DOP1B: variants seen among roughly 807,000 people sequenced by gnomAD.
DOP1B encodes the protein DOP1 leucine zipper like protein B.
In DOP1B, 174 loss-of-function variants were observed where a neutral mutation model predicts 233.5. The observed-to-expected ratio is 0.75, with a 90% CI of 0.66 to 0.85. The LOEUF (loss-of-function observed/expected upper bound fraction) is 0.85. Among genes scored for constraint, DOP1B ranks in the 40% least tolerant of loss-of-function variants. The probability of loss-of-function intolerance (pLI) is 0.00; values close to 1 mark genes in which losing one functional copy is unlikely to be tolerated. For synonymous variants in DOP1B, 1,190 were observed against 1,185.6 expected, an observed-to-expected ratio of 1.00 and a Z score of -0.08; for missense variants, 2,652 against 2,846.6, an observed-to-expected ratio of 0.93 and a Z score of 1.56.
At chr21:36,191,131 G>A (rs370016321) in intron 2 of DOP1B, among the ~76,000 whole-genome samples, 4 of 152,132 alleles carry the variant, frequency 2.6e-5, no homozygotes, top group African/African-American at 2.4e-5. Context: ...TTTCCTAGCC[G>A]TGGCTAGTGG....
At chr21:36,288,291 T>C in intron 33 of DOP1B, 141 bp downstream of exon 33, 1 of 788,332 alleles carries the variant, frequency 1.3e-6, no homozygotes, top group Non-Finnish European at 2.0e-6. Context: ...TGGTTAGCTC[T>C]TGGTTAAACA....
Position 36,214,521 on chromosome 21 carries a change from G to A in DOP1B, c.1094G>A (p.Arg365His), listed in dbSNP as rs763573404. Residue 365 changes from arginine to histidine, a missense_variant, in exon 9 of 37, where the codon CGC becomes CAC. Coordinates refer to ENST00000691173, the MANE Select transcript of DOP1B (RefSeq NM_001320714.2). The stretch of plus-strand genomic sequence containing the variant: ...CATCATGCATACCTGAAGCCTTTTC[G>A]CGTCCTCATCAGTCTGCTTGACAAG... ...ERHHAYLKPF[R>H]VLISLLDKPE... The A allele has an allele frequency of 1.9e-6, 3 of 1,613,856 alleles. No individual in the cohort carries two copies. Among genetic ancestry groups the A allele is most frequent in the South Asian group, 1.1e-5 (1 of 91,052 alleles).
At chr21:36,183,701 C>T (rs570356040) in intron 2 of DOP1B, among the ~76,000 whole-genome samples, 2 of 152,294 alleles carry the variant, frequency 1.3e-5, no homozygotes, top group Admixed American at 1.3e-4. Flanking sequence ...GCTTCCAGCA[C>T]CTGCCGCCTC....
intron 9 of DOP1B, among the ~76,000 whole-genome samples, chr21:36,216,610 C>G (rs963187720): frequency 6.6e-6 from 1 of 151,766 alleles, no homozygotes; most frequent in African/African-American, 2.4e-5. Flanking sequence ...GACTCCGTCT[C>G]AAAAAAAAGA....
At position 36,253,779 on chromosome 21, in the gene DOP1B, C is replaced by G. The variant is rs2067059891; in HGVS notation, c.5129C>G (p.Pro1710Arg). 5 of 1,610,448 alleles carry G rather than the reference C, an allele frequency of 3.1e-6. No individual in the cohort carries two copies. In the African/African-American group the frequency reaches 5.3e-5, roughly 17 times the overall value. ...AQRHSKMKII[P>R]TASASQLTLV... is the part of the protein sequence containing the mutation. Reference sequence around the variant, plus strand: ...TTTTTTTTTTCTTGGCAGATTATCCCAACGGCAAGTGCATCCCAGCTAACC... The same window carrying G: ...TTTTTTTTTTCTTGGCAGATTATCCGAACGGCAAGTGCATCCCAGCTAACC... The change falls in exon 23 of 37, where the codon CCA (proline) becomes CGA (arginine). Residue 1710 changes from proline (P) to arginine (R), a missense_variant. This residue lies in a region of DOP1B where 2,617 missense variants were observed against 2,794.3 expected (regional missense o/e 0.94). Coordinates refer to ENST00000691173, the MANE Select transcript of DOP1B (RefSeq NM_001320714.2).
chr21:36,246,002 A>G lies in DOP1B; in HGVS notation c.4022A>G (p.Asn1341Ser), dbSNP rs755785941. 77 of 1,613,612 alleles carry G rather than the reference A, an allele frequency of 4.8e-5. No individual in the cohort carries two copies. Among genetic ancestry groups the G allele is most frequent in the Non-Finnish European group, 6.3e-5 (74 of 1,179,912 alleles). ...GTCTCGCACCGAGACATTCTCGGCAACCGGGACGTGCAGGTCAAAAGTGTC... is the reference window on the plus strand; with the variant it reads ...GTCTCGCACCGAGACATTCTCGGCAGCCGGGACGTGCAGGTCAAAAGTGTC... The part of the protein sequence containing the change: ...LKVSHRDILG[N>S]RDVQVKSVEV... Residue 1341 changes from asparagine to serine, a missense_variant, in exon 19 of 37, where the codon AAC becomes AGC. Asn to Ser is a conservative substitution (Grantham distance 46). Around this residue, in one of 3 missense-constraint regions of DOP1B, gnomAD observed 2,617 missense variants for 2,794.3 expected, o/e 0.94. Coordinates refer to ENST00000691173, the MANE Select transcript of DOP1B (RefSeq NM_001320714.2). This position sits in a 1 kb window ranked among gnomAD's most constrained non-coding sequence, Gnocchi z 5.1.
chr21:36,228,266 C>T lies in DOP1B; in HGVS notation c.1665+389C>T, dbSNP rs368231389. Among the ~76,000 whole-genome samples, 26 of 151,844 alleles carry T rather than the reference C, an allele frequency of 1.7e-4. No individual in the cohort carries two copies. In the East Asian group the frequency reaches 2.7e-3, roughly 16 times the overall value. On this transcript the variant is annotated intron_variant, in intron 13 of 36. Coordinates refer to ENST00000691173, the MANE Select transcript of DOP1B (RefSeq NM_001320714.2). ...TCTCCTGAAGTCAGGAATTCAAGACCAGCCCAACCAACATGGCAAAACCCC... is the reference window on the plus strand; with the variant it reads ...TCTCCTGAAGTCAGGAATTCAAGACTAGCCCAACCAACATGGCAAAACCCC...
chr21:36,160,625 G>A (rs982903023), intron 1 of DOP1B, among the ~76,000 whole-genome samples: 1 of 152,002 alleles, frequency 6.6e-6, no homozygotes, highest in Non-Finnish European at 1.5e-5. Flanking sequence ...TCACAGGCAT[G>A]TGCCACCACA....
At chr21:36,179,755 G>A (rs1357657036) in intron 2 of DOP1B, among the ~76,000 whole-genome samples, 1 of 152,222 alleles carries the variant, frequency 6.6e-6, no homozygotes, top group Non-Finnish European at 1.5e-5. Flanking sequence ...GAGAGAAAGG[G>A]AGGGGGTACT....
chr21:36,228,681 G>A (rs1483809968), intron 13 of DOP1B, among the ~76,000 whole-genome samples: 2 of 151,972 alleles, frequency 1.3e-5, no homozygotes, highest in Non-Finnish European at 2.9e-5. Context: ...CAGGAGAACA[G>A]CGTGAACCCA....
intron 2 of DOP1B, among the ~76,000 whole-genome samples, chr21:36,180,393 A>G (rs201082248): frequency 6.6e-6 from 1 of 151,564 alleles, no homozygotes; most frequent in African/African-American, 2.4e-5. Context: ...ACATGGTGAA[A>G]CCTCATCTTT....
intron 18 of DOP1B, among the ~76,000 whole-genome samples, chr21:36,244,088 A>T (rs2123585350): frequency 7.9e-6 from 1 of 126,396 alleles, no homozygotes. Flanking sequence ...GTGTAGTGGC[A>T]TGATTTCAGC....
rs773030017 is a variant in DOP1B, at chr21:36,246,359, A to G, written c.4379A>G (p.Glu1460Gly). The G allele has an allele frequency of 2.7e-5, 43 of 1,613,592 alleles. No individual in the cohort carries two copies. The highest frequency in any genetic ancestry group is 3.6e-5 in the Non-Finnish European group (43 of 1,179,924). The change falls in exon 19 of 37, where the codon GAG (glutamate) becomes GGG (glycine). Residue 1460 changes from glutamate (E) to glycine (G), a missense_variant. By Grantham distance (98) the Glu-to-Gly change is moderately conservative (BLOSUM62 -2). This residue lies in a region of DOP1B where 2,617 missense variants were observed against 2,794.3 expected (regional missense o/e 0.94). Transcript: ENST00000691173. This position sits in a 1 kb window ranked among gnomAD's most constrained non-coding sequence, Gnocchi z 5.1. Reference sequence around the variant, plus strand: ...GAACACCACCTGGGTCGGGCCCATGAGGAGGCGGAAAACCAGCCCGACCTG... The same window carrying G: ...GAACACCACCTGGGTCGGGCCCATGGGGAGGCGGAAAACCAGCCCGACCTG... Reference protein sequence around the residue: ...VLEHHLGRAHEEAENQPDLSR... With the variant: ...VLEHHLGRAHGEAENQPDLSR...
chr21:36,278,162 T>G (rs1569067938), intron 29 of DOP1B, 47 bp from the exon 30 acceptor site: 1 of 1,613,720 alleles, frequency 6.2e-7, no homozygotes. Flanking sequence ...TAGTTTTCCT[T>G]GGACAGTCCT....
chr21:36,165,020 A>T, intron 2 of DOP1B, 149 bp downstream of exon 2: 2 of 691,666 alleles, frequency 2.9e-6, no homozygotes, highest in Non-Finnish European at 2.0e-6. Flanking sequence ...TATTATTTCA[A>T]GGAAATACCA....
At chr21:36,239,082 G>A (rs1210610777) in intron 17 of DOP1B, among the ~76,000 whole-genome samples, 4 of 152,148 alleles carry the variant, frequency 2.6e-5, no homozygotes, top group Admixed American at 2.0e-4. Flanking sequence ...CAGCCTGGGT[G>A]ACAAGAGCGA....
At position 36,278,320 on chromosome 21, in the gene DOP1B, C is replaced by A. The variant is rs2067378245; in HGVS notation, c.5934C>A (p.Asp1978Glu). 1.2e-6 allele frequency: 2 copies of A among 1,613,900 alleles called. 1 individual carries two copies. Among genetic ancestry groups the A allele is most frequent in the South Asian group, 2.2e-5 (2 of 91,086 alleles). ...AGGAGGTCCTGGAGCTGTTTCTCGA[C>A]CCCGCTTTCTTTCAGATGGATACTT... ...WRKEVLELFL[D>E]PAFFQMDTSC... is the part of the protein sequence containing the mutation. Residue 1978 changes from aspartate (D) to glutamate (E), a missense_variant, in exon 30 of 37, where the codon GAC (aspartate) becomes GAA (glutamate). This residue lies in a region of DOP1B where 2,617 missense variants were observed against 2,794.3 expected (regional missense o/e 0.94). Transcript: ENST00000691173.
At chr21:36,259,643 G>C (rs1033768908) in intron 23 of DOP1B, among the ~76,000 whole-genome samples, 1 of 152,144 alleles carries the variant, frequency 6.6e-6, no homozygotes, top group African/African-American at 2.4e-5. Context: ...GCTGCTGCAG[G>C]CTTGGTCGCC....
intron 1 of DOP1B, chr21:36,164,495 G>C (rs1439800789): frequency 6.5e-6 from 2 of 308,988 alleles, no homozygotes; most frequent in Non-Finnish European, 5.9e-6. Context: ...CCTGTTTCCT[G>C]TTCTCCCCCA....
Sources: gnomAD v4.1 joint callset for allele counts (sites outside exome capture counted in the v4.1 genomes callset) on GRCh38, gnomAD v4.1.1 for gene constraint, gnomAD v4.1.1 regional missense constraint, Gnocchi (gnomAD v3.1) non-coding constraint, MANE v1.5 for transcripts, NCBI Gene and HGNC (gene_info 2026-07-23, HGNC 2026-07-21) for gene names.